UGT1A3: variants seen among roughly 807,000 people sequenced by gnomAD.
UGT1A3 encodes UDP glucuronosyltransferase family 1 member A3, also known as UDP-glucuronosyltransferase 1A3.
UGT1A3 carries 31 observed loss-of-function variants against 41.0 expected under a neutral mutation model. The observed-to-expected ratio is 0.76, with a 90% CI of 0.57 to 1.02. The LOEUF (loss-of-function observed/expected upper bound fraction) is 1.02. UGT1A3 is among the 50% of genes least tolerant of loss of function. The pLI is 0.00. For synonymous variants in UGT1A3, 262 were observed against 257.6 expected (o/e 1.02, Z -0.17); for missense variants, 737 against 671.0 (o/e 1.10, Z -1.09).
chr2:233,734,491 GT>G (rs528831440), intron 1 of UGT1A3, among the ~76,000 whole-genome samples: 1 of 151,904 alleles, frequency 6.6e-6, no homozygotes, highest in Non-Finnish European at 1.5e-5. Context: ...TTTTTTGAAG[GT>G]TTTTTTGTGT....
At chr2:233,757,102 G>A (rs1696403036) in intron 1 of UGT1A3, among the ~76,000 whole-genome samples, 2 of 151,258 alleles carry the variant, frequency 1.3e-5, no homozygotes, top group South Asian at 4.2e-4. Context: ...GAGGGAGGGG[G>A]CAAGCAGAAG....
At chr2:233,751,583 A>G (rs1290710025) in intron 1 of UGT1A3, among the ~76,000 whole-genome samples, 1 of 152,192 alleles carries the variant, frequency 6.6e-6, no homozygotes, top group Non-Finnish European at 1.5e-5. Flanking sequence ...CATAATTCCC[A>G]TGTGTTAAGG....
At chr2:233,732,918 GA>G (rs2078336060) in intron 1 of UGT1A3, among the ~76,000 whole-genome samples, 1 of 151,996 alleles carries the variant, frequency 6.6e-6, no homozygotes, top group South Asian at 2.1e-4. Flanking sequence ...CCATTTTCAC[GA>G]TATTGATTCT....
chr2:233,739,714 GGACTT>G (rs1004679723), intron 1 of UGT1A3, among the ~76,000 whole-genome samples: 28 of 152,292 alleles, frequency 1.8e-4, no homozygotes, highest in African/African-American at 6.3e-4. Context: ...ATGGGGGAAG[GGACTT>G]GACTTGTCTC....
chr2:233,767,558 C>G (rs1283373150), intron 2 of UGT1A3, among the ~76,000 whole-genome samples: 3 of 152,208 alleles, frequency 2.0e-5, no homozygotes, highest in African/African-American at 7.2e-5. Context: ...TCTGCATCCA[C>G]TTGTTTCATT....
intron 1 of UGT1A3, among the ~76,000 whole-genome samples, chr2:233,746,060 G>A (rs1011902873): frequency 4.0e-5 from 6 of 151,770 alleles, no homozygotes; most frequent in Admixed American, 3.9e-4. Flanking sequence ...GGTCTAGAAC[G>A]AAAAGAGAAG....
At chr2:233,743,686 G>A (rs1347222099) in intron 1 of UGT1A3, 2 of 1,367,248 alleles carry the variant, frequency 1.5e-6, no homozygotes, top group Admixed American at 3.8e-5. Flanking sequence ...TGCCGCCTGT[G>A]CAGCCGCCCT....
In UGT1A3 at chr2:233,772,986, C is replaced by A; in HGVS notation, c.*427C>A. 3.5e-6 allele frequency: 1 copy of A among 282,682 alleles called. No homozygotes were observed. The highest frequency in any genetic ancestry group is 6.8e-6 in the Non-Finnish European group (1 of 146,824). 17.5% of individuals were successfully genotyped at this position (282,682 alleles called of 1,614,324 possible). A position where few individuals can be genotyped will look rare whatever the true frequency, so the allele number is the denominator to read the frequency against. On this transcript the variant is annotated 3_prime_UTR_variant, in exon 5 of 5. Transcript: ENST00000482026. ...TGATCCTTAACCAATAATGGTCAGTCCTCATCTCTGTCGTGCTTCATAGGT... is the reference window on the plus strand; with the variant it reads ...TGATCCTTAACCAATAATGGTCAGTACTCATCTCTGTCGTGCTTCATAGGT...
At chr2:233,744,211 G>A (rs1692734898) in intron 1 of UGT1A3, among the ~76,000 whole-genome samples, 1 of 151,828 alleles carries the variant, frequency 6.6e-6, no homozygotes, top group African/African-American at 2.4e-5. Context: ...GGGAAAAAGA[G>A]GTTGGGGAAA....
Position 233,744,327 on chromosome 2 carries a change from G to GAC in UGT1A3, c.867+14334_867+14335insAC, listed in dbSNP as rs1692775821. Among the ~76,000 whole-genome samples, 2 of 151,850 alleles carry GAC rather than the reference G, an allele frequency of 1.3e-5. 1 individual carries two copies. The highest frequency in any genetic ancestry group is 4.9e-5 in the African/African-American group (2 of 41,110). ...GGAGGGAAGAGGGTGGTGGGAGTGA[G>GAC]TTTAGTCTGACTGGGGCTGAAGACA... On this transcript the variant is annotated intron_variant, in intron 1 of 4. Transcript: ENST00000482026.
In UGT1A3 at chr2:233,772,448, C is replaced by A; in HGVS notation, c.1494C>A (p.Ala498=). ...TGGACGTGATTGGTTTCCTCTTGGC[C>A]GTCGTGCTGACAGTGGCCTTCATCA... The part of the protein sequence containing the change: ...HSLDVIGFLL[A]VVLTVAFITF... Residue 498 remains alanine (A), a synonymous_variant, in exon 5 of 5, where the codon GCC becomes GCA. Coordinates refer to ENST00000482026, the MANE Select transcript of UGT1A3 (RefSeq NM_019093.4). 6.2e-7 allele frequency: 1 copy of A among 1,614,180 alleles called. No individual in the cohort carries two copies. The highest frequency in any genetic ancestry group is 8.5e-7 in the Non-Finnish European group (1 of 1,180,038).
At chr2:233,735,135 T>C (rs1287914959) in intron 1 of UGT1A3, among the ~76,000 whole-genome samples, 4 of 152,188 alleles carry the variant, frequency 2.6e-5, no homozygotes, top group Non-Finnish European at 4.4e-5. Flanking sequence ...CTCATTATTA[T>C]TGTGTGGGAG....
rs115693071 is a variant in UGT1A3 at position 233,730,075 on chromosome 2, T to C, written c.867+82T>C. ...ATGTATTTATTTAAAATTGCTTCCA[T>C]ATTTACTTATCTTTCCAAATATTTC... On this transcript the variant is annotated intron_variant, in intron 1 of 4. Coordinates refer to ENST00000482026, the MANE Select transcript of UGT1A3 (RefSeq NM_019093.4). 4.0e-4 allele frequency: 646 copies of C among 1,607,268 alleles called. 1 individual carries two copies. In the African/African-American group the frequency reaches 5.1e-3, roughly 13 times the overall value.
chr2:233,760,233 C>T (rs1697357127), intron 1 of UGT1A3: 2 of 1,510,150 alleles, frequency 1.3e-6, no homozygotes, highest in Non-Finnish European at 9.0e-7. Context: ...TGGTTTTTGC[C>T]ATATATATAT....
chr2:233,769,536 A>G lies in UGT1A3; in HGVS notation c.1307+1097A>G. On this transcript the variant is annotated intron_variant, in intron 4 of 4. Transcript: ENST00000482026. This position sits in a 1 kb window ranked among gnomAD's most constrained non-coding sequence, Gnocchi z 4.4. Reference sequence around the variant, plus strand: ...CCCATGGTTACCTCCTTTAGAAAGAAGCAGCAGTCAGGAAGACAGATGTGA... The same window carrying G: ...CCCATGGTTACCTCCTTTAGAAAGAGGCAGCAGTCAGGAAGACAGATGTGA... 6.2e-7 allele frequency: 1 copy of G among 1,612,938 alleles called. No homozygotes were observed. The highest frequency in any genetic ancestry group is 8.5e-7 in the Non-Finnish European group (1 of 1,179,892).
Position 233,767,220 on chromosome 2 carries a change from C to T in UGT1A3, c.999+55C>T. 2.5e-6 allele frequency: 4 copies of T among 1,611,656 alleles called. No individual in the cohort carries two copies. In the South Asian group the frequency reaches 4.4e-5, roughly 18 times the overall value. ...TCTATTTTCACAGGAGCGCTAATCC[C>T]AGACTTCCAGCTTCCAGATTAATTC... On this transcript the variant is annotated intron_variant, in intron 2 of 4. Coordinates refer to ENST00000482026, the MANE Select transcript of UGT1A3 (RefSeq NM_019093.4).
rs756759474 is a variant in UGT1A3, at chr2:233,755,078, G to A, written c.868-11956G>A. ...CCCTCGCCTCGCCATAGCGGTCATA[G>A]ATATCGCGTTTCTACGCGTCCGACA... is the stretch of plus-strand genomic sequence containing the variant. On this transcript the variant is annotated intron_variant, in intron 1 of 4. Coordinates refer to ENST00000482026, the MANE Select transcript of UGT1A3 (RefSeq NM_019093.4). 9 of 1,336,426 alleles carry A rather than the reference G, an allele frequency of 6.7e-6. No individual in the cohort carries two copies. The Admixed American group carries it at 1.1e-4, about 17-fold the overall frequency. 82.8% of individuals were successfully genotyped at this position (1,336,426 alleles called of 1,614,324 possible).
intron 1 of UGT1A3, among the ~76,000 whole-genome samples, chr2:233,764,942 G>C (rs12479045): frequency 0.069 from 10,555 of 152,174 alleles, 509 homozygotes; most frequent in East Asian, 0.2. Flanking sequence ...TGAGAGTGGC[G>C]GGGAGAGAGG....
intron 1 of UGT1A3, among the ~76,000 whole-genome samples, chr2:233,765,603 T>TG (rs1226627495): frequency 6.6e-6 from 1 of 151,130 alleles, no homozygotes; most frequent in African/African-American, 2.4e-5. Context: ...CCAGGGCTTG[T>TG]GGCGGGGTGA....
Sources: gnomAD v4.1 joint callset for allele counts (sites outside exome capture counted in the v4.1 genomes callset) on GRCh38, gnomAD v4.1.1 for gene constraint, Gnocchi (gnomAD v3.1) non-coding constraint, MANE v1.5 for transcripts, NCBI Gene and HGNC (gene_info 2026-07-23, HGNC 2026-07-21) for gene names.